The following CELF2 variants were observed in gnomAD, a reference collection of about 807,000 sequenced individuals.
The protein encoded by CELF2 is CUG triplet repeat RNA-binding protein 2.
A neutral mutation model predicts 62.6 loss-of-function variants in CELF2; 8 were observed. The observed-to-expected ratio is 0.13, with a 90% CI of 0.07 to 0.23. The LOEUF is 0.23. Among genes scored for constraint, CELF2 ranks in the 10% least tolerant of loss-of-function variants. The pLI is 1.00. For synonymous variants in CELF2, 258 were observed against 250.0 expected, an observed-to-expected ratio of 1.03 and a Z score of -0.30; for missense variants, 333 against 671.0, an observed-to-expected ratio of 0.50 and a Z score of 5.56.
intron 9 of CELF2, among the ~76,000 whole-genome samples, chr10:11,293,416 T>C (rs1019243650): frequency 6.6e-6 from 1 of 152,256 alleles, no homozygotes; most frequent in African/African-American, 2.4e-5. Flanking sequence ...ATGCCACCTC[T>C]ACCATGAAGC....
the CELF2 span, among the ~76,000 whole-genome samples, chr10:10,758,940 G>A: frequency 1.3e-5 from 2 of 152,168 alleles, no homozygotes; most frequent in Non-Finnish European, 2.9e-5. Context: ...AAAACTGCCT[G>A]TTGAACAAAG....
chr10:10,752,306 C>T, the CELF2 span, among the ~76,000 whole-genome samples: 2 of 152,168 alleles, frequency 1.3e-5, no homozygotes, highest in South Asian at 2.1e-4. Flanking sequence ...CCAGTAGTAG[C>T]AAGTGGATAG....
chr10:11,016,309 T>G (rs938855370), upstream of CELF2, among the ~76,000 whole-genome samples: 1 of 152,192 alleles, frequency 6.6e-6, no homozygotes, highest in Non-Finnish European at 1.5e-5. The surrounding 1 kb of genome is among the most constrained non-coding windows in gnomAD (Gnocchi z 5.2). Flanking sequence ...CTCAGTTCCT[T>G]AGGAGCCCAG....
the CELF2 span, among the ~76,000 whole-genome samples, chr10:10,614,985 A>G: frequency 6.6e-6 from 1 of 152,136 alleles, no homozygotes; most frequent in Non-Finnish European, 1.5e-5. Context: ...TCTGAAGAGC[A>G]TGATGGTATC....
At chr10:10,792,308 C>A in the CELF2 span, 1 of 397,746 alleles carries the variant, frequency 2.5e-6, no homozygotes. Context: ...TACATTCTAA[C>A]TTTACTTAGG....
At chr10:11,241,943 T>C (rs919436740) in intron 3 of CELF2, among the ~76,000 whole-genome samples, 2 of 152,190 alleles carry the variant, frequency 1.3e-5, no homozygotes, top group Non-Finnish European at 2.9e-5. Flanking sequence ...TGGCGTTTCA[T>C]AGTCAATATA....
At chr10:11,171,195 C>T (rs1350983224) in intron 2 of CELF2, 1 of 152,240 alleles carries the variant, frequency 6.6e-6, no homozygotes, top group Non-Finnish European at 1.5e-5. Context: ...CGCAACAGTA[C>T]TGCAAGCCAG....
rs112305219 is a variant in CELF2, at chr10:11,297,770, C to G, written c.976+9218C>G. 0.012 allele frequency among the ~76,000 whole-genome samples: 1,760 copies of G among 152,122 alleles called. 36 individuals carry two copies. Among genetic ancestry groups the G allele is most frequent in the African/African-American group, 0.041 (1,690 of 41,494 alleles). On this transcript the variant is annotated intron_variant, in intron 9 of 12. Transcript: ENST00000633077. The surrounding 1 kb of genome is among the most constrained non-coding windows in gnomAD (Gnocchi z 4.4). ...AGTTCCTTGAGGAACTCCCTGAGGC[C>G]AGGAGTTTGAGACCAGCCTGGCCAA... is the stretch of plus-strand genomic sequence containing the variant.
chr10:11,009,384 C>G (rs191312693), intron 1 of CELF2, among the ~76,000 whole-genome samples: 1 of 152,004 alleles, frequency 6.6e-6, no homozygotes, highest in Admixed American at 6.5e-5. Context: ...TCGGAACCTC[C>G]GTTCAACTCA....
In CELF2 at chr10:11,306,837, A is replaced by G. The variant is rs2094251964; in HGVS notation, c.977-7302A>G. Among the ~76,000 whole-genome samples, 1 of 152,306 alleles carries G rather than the reference A, an allele frequency of 6.6e-6. No individual in the cohort carries two copies. Among genetic ancestry groups the G allele is most frequent in the Admixed American group, 6.5e-5 (1 of 15,298 alleles). On this transcript the variant is annotated intron_variant, in intron 9 of 12. Transcript: ENST00000633077. The surrounding 1 kb of genome is among the most constrained non-coding windows in gnomAD (Gnocchi z 4.4). ...AAATTATGTCCAGTTCACTATAGCCAGCCTCCCAGTTTTTAAATAGGAAGC... is the reference window on the plus strand; with the variant it reads ...AAATTATGTCCAGTTCACTATAGCCGGCCTCCCAGTTTTTAAATAGGAAGC...
intron 1 of CELF2, among the ~76,000 whole-genome samples, chr10:11,112,801 GA>G (rs1196504529): frequency 6.6e-6 from 1 of 152,244 alleles, no homozygotes; most frequent in East Asian, 1.9e-4. Context: ...CTTTGAAACG[GA>G]ACCATGAGTA....
At chr10:10,648,912 C>T in the CELF2 span, among the ~76,000 whole-genome samples, 1 of 152,206 alleles carries the variant, frequency 6.6e-6, no homozygotes, top group East Asian at 1.9e-4. Flanking sequence ...GCACCGCTTA[C>T]AGATGATGCT....
Position 11,247,407 on chromosome 10 carries a change from C to G in CELF2, c.355-1746C>G, listed in dbSNP as rs538258706. ...TTCACATGCCGGCCCCCCTTCAGTGCTCGCACGTCCAAGGACTCGGCCCAG... is the reference window on the plus strand; with the variant it reads ...TTCACATGCCGGCCCCCCTTCAGTGGTCGCACGTCCAAGGACTCGGCCCAG... On this transcript the variant is annotated intron_variant, in intron 3 of 12. Transcript: ENST00000633077. This position sits in a 1 kb window ranked among gnomAD's most constrained non-coding sequence, Gnocchi z 5.4. Among the ~76,000 whole-genome samples the G allele has an allele frequency of 7.0e-4, 107 of 152,346 alleles. No individual in the cohort carries two copies. The highest frequency in any genetic ancestry group is 2.5e-3 in the African/African-American group (105 of 41,586).
intron 1 of CELF2, among the ~76,000 whole-genome samples, chr10:10,873,285 T>C (rs550660197): frequency 6.6e-6 from 1 of 152,328 alleles, no homozygotes; most frequent in East Asian, 1.9e-4. Flanking sequence ...TTTAATTAAG[T>C]TATTCATTTG....
chr10:11,318,630 C>T lies in CELF2; in HGVS notation c.1097-2559C>T, dbSNP rs1202940616. 1.3e-5 allele frequency: 5 copies of T among 387,832 alleles called. No homozygotes were observed. Among genetic ancestry groups the T allele is most frequent in the Non-Finnish European group, 2.6e-5 (5 of 189,274 alleles). 24.0% of individuals were successfully genotyped at this position (387,832 alleles called of 1,614,324 possible). Reference sequence around the variant, plus strand: ...GGAGCTCCAAGCCTCACAATACCCTCTGAAACATCCATCCAGTATTTCAAG... The same window carrying T: ...GGAGCTCCAAGCCTCACAATACCCTTTGAAACATCCATCCAGTATTTCAAG... On this transcript the variant is annotated intron_variant, in intron 10 of 12. Transcript: ENST00000633077. The surrounding 1 kb of genome is among the most constrained non-coding windows in gnomAD (Gnocchi z 5.4).
intron 2 of CELF2, among the ~76,000 whole-genome samples, chr10:10,945,274 G>A (rs2047531206): frequency 6.6e-6 from 1 of 152,188 alleles, no homozygotes; most frequent in Admixed American, 6.5e-5. Flanking sequence ...TCGGCTTCAT[G>A]CAGTAGCCTT....
chr10:10,845,874 T>A (rs2058981628), intron 1 of CELF2, among the ~76,000 whole-genome samples: 4 of 152,304 alleles, frequency 2.6e-5, no homozygotes, highest in Admixed American at 1.3e-4. Context: ...TCTGATGCGA[T>A]TTCTTTTATT....
rs1237564055 is a variant in CELF2, at chr10:11,165,755, C to T, written c.271+73C>T. ...GGGGCACTGGGGCTGTCCGAGCCCC[C>T]AGCCTGCAGGAGGAAGGGCGGGTAG... is the stretch of plus-strand genomic sequence containing the variant. On this transcript the variant is annotated intron_variant, in intron 2 of 12. Transcript: ENST00000633077. The surrounding 1 kb of genome is among the most constrained non-coding windows in gnomAD (Gnocchi z 7.4). 7.2e-7 allele frequency: 1 copy of T among 1,397,238 alleles called. No homozygotes were observed. Among genetic ancestry groups the T allele is most frequent in the Non-Finnish European group, 9.7e-7 (1 of 1,033,042 alleles). 86.6% of individuals were successfully genotyped at this position (1,397,238 alleles called of 1,614,324 possible). A position where few individuals can be genotyped will look rare whatever the true frequency, so the allele number is the denominator to read the frequency against.
chr10:10,511,675 G>A, the CELF2 span, among the ~76,000 whole-genome samples: 1 of 152,216 alleles, frequency 6.6e-6, no homozygotes, highest in African/African-American at 2.4e-5. Context: ...CTTCTACTAT[G>A]AGATCTCGGG....
Sources: allele counts gnomAD v4.1 joint callset (sites outside exome capture counted in the v4.1 genomes callset), GRCh38; gene constraint gnomAD v4.1.1; non-coding constraint Gnocchi (gnomAD v3.1); transcripts MANE v1.5; gene names NCBI Gene and HGNC (gene_info 2026-07-23, HGNC 2026-07-21).